The following SH3GLB1 variants were observed in gnomAD, a reference collection of about 807,000 sequenced individuals.
SH3GLB1 encodes the protein SH3 domain containing GRB2 like, endophilin B1.
In SH3GLB1, 17 loss-of-function variants were observed where a neutral mutation model predicts 42.0. That is an observed-to-expected ratio of 0.40 (90% CI 0.28 to 0.61). The LOEUF (loss-of-function observed/expected upper bound fraction) is 0.61, where lower values mean the gene tolerates loss of function less well. SH3GLB1 is among the 20% of genes least tolerant of loss of function. The pLI is 0.36. For missense variants in SH3GLB1, 355 were observed against 426.3 expected (o/e 0.83, Z 1.47); for synonymous variants, 132 against 146.6 (o/e 0.90, Z 0.72).
chr1:86,720,120 T>C (rs1015617931), intron 3 of SH3GLB1, among the ~76,000 whole-genome samples: 3 of 152,144 alleles, frequency 2.0e-5, no homozygotes, highest in African/African-American at 7.2e-5. Flanking sequence ...ATTTAATATA[T>C]TCAAGCATAT....
At chr1:86,724,507 T>C in intron 5 of SH3GLB1, 102 bp downstream of exon 5, 1 of 901,892 alleles carries the variant, frequency 1.1e-6, no homozygotes, top group Non-Finnish European at 1.7e-6. Context: ...TAGAGTCTTG[T>C]TTTTGTGCTT....
intron 2 of SH3GLB1, among the ~76,000 whole-genome samples, chr1:86,717,624 G>C (rs991217402): frequency 1.3e-5 from 2 of 152,060 alleles, no homozygotes; most frequent in Non-Finnish European, 2.9e-5. Flanking sequence ...GTTTCTCCAT[G>C]TTGGCCAGGC....
Position 86,743,366 on chromosome 1 carries a change from C to G in SH3GLB1, c.*131C>G. The G allele has an allele frequency of 2.1e-6, 1 of 465,822 alleles. No individual in the cohort carries two copies. Among genetic ancestry groups the G allele is most frequent in the Non-Finnish European group, 3.7e-6 (1 of 269,624 alleles). The allele number at this position is 465,822 out of a possible 1,614,324, so 28.9% of individuals were successfully genotyped here. A position where few individuals can be genotyped will look rare whatever the true frequency, so the allele number is the denominator to read the frequency against. Reference sequence around the variant, plus strand: ...GAAAATACCAGCCATCAGAAACTGGCCTTTCTGCCAATAAAGTTGCATGGT... The same window carrying G: ...GAAAATACCAGCCATCAGAAACTGGGCTTTCTGCCAATAAAGTTGCATGGT... On this transcript the variant is annotated 3_prime_UTR_variant, in exon 9 of 9. Transcript: ENST00000370558.
intron 7 of SH3GLB1, chr1:86,738,793 C>T (rs183106535): frequency 6.6e-6 from 1 of 152,318 alleles, no homozygotes; most frequent in Admixed American, 6.5e-5. Flanking sequence ...CAGGTGTGCG[C>T]CACCATGCCC....
At chr1:86,734,910 CAG>C (rs1259504172) in intron 6 of SH3GLB1, among the ~76,000 whole-genome samples, 167 bp from the exon 7 acceptor site, 2 of 152,258 alleles carry the variant, frequency 1.3e-5, no homozygotes, top group African/African-American at 4.8e-5. Context: ...ATTGGCTAAG[CAG>C]AGTTTGCTAG....
intron 5 of SH3GLB1, among the ~76,000 whole-genome samples, chr1:86,727,377 A>G (rs1045686050): frequency 2.6e-5 from 4 of 152,042 alleles, no homozygotes; most frequent in Non-Finnish European, 5.9e-5. Flanking sequence ...TAGATTGTGT[A>G]TATGATAAAA....
In SH3GLB1 at chr1:86,748,052, G is replaced by A. The variant is rs538072349; in HGVS notation, c.*4817G>A. ...TTTTTCACTCAACAATACCATGACT[G>A]TCTTGCTGTGTCAAGTATATTTCTA... On this transcript the variant is annotated 3_prime_UTR_variant, in exon 9 of 9. Transcript: ENST00000370558. The A allele has an allele frequency of 6.6e-6, 1 of 152,184 alleles. No individual in the cohort carries two copies. The highest frequency in any genetic ancestry group is 1.9e-4 in the East Asian group (1 of 5,182). 9.4% of individuals were successfully genotyped at this position (152,184 alleles called of 1,614,324 possible).
intron 5 of SH3GLB1, among the ~76,000 whole-genome samples, chr1:86,724,999 T>TAC (rs374835487): frequency 2.7e-5 from 4 of 146,304 alleles, no homozygotes; most frequent in South Asian, 2.1e-4. Flanking sequence ...TGTGTGTATA[T>TAC]ACACACACAC....
chr1:86,707,978 A>AT (rs1262321944), intron 1 of SH3GLB1, among the ~76,000 whole-genome samples: 1 of 152,162 alleles, frequency 6.6e-6, no homozygotes, highest in African/African-American at 2.4e-5. Flanking sequence ...AAAGAAAAAA[A>AT]CAGAAGTCGC....
chr1:86,707,351 A>G (rs898560607), intron 1 of SH3GLB1, among the ~76,000 whole-genome samples: 1 of 152,230 alleles, frequency 6.6e-6, no homozygotes, highest in Non-Finnish European at 1.5e-5. Context: ...AGGGGCATTA[A>G]GGAGACCAAT....
At chr1:86,720,911 A>G (rs572462953) in intron 3 of SH3GLB1, among the ~76,000 whole-genome samples, 2 of 152,344 alleles carry the variant, frequency 1.3e-5, no homozygotes, top group African/African-American at 2.4e-5. Context: ...AGAACTTCAA[A>G]ATAAAATTAT....
Position 86,742,228 on chromosome 1 carries a change from G to T in SH3GLB1, c.782G>T (p.Ser261Ile). 1 of 1,613,896 alleles carries T rather than the reference G, an allele frequency of 6.2e-7. No individual in the cohort carries two copies. Among genetic ancestry groups the T allele is most frequent in the African/African-American group, 1.3e-5 (1 of 74,996 alleles). The change falls in exon 8 of 9, where the codon AGT becomes ATT. Residue 261 changes from serine (S) to isoleucine (I), a missense_variant. Coordinates refer to ENST00000370558, the MANE Select transcript of SH3GLB1 (RefSeq NM_016009.5). Reference sequence around the variant, plus strand: ...AACAGTTTTCCATCCAATTATCTTAGTAACAACAATCAGACTTCTGTGACA... The same window carrying T: ...AACAGTTTTCCATCCAATTATCTTATTAACAACAATCAGACTTCTGTGACA... Reference protein sequence around the residue: ...QLGSFPSNYLSNNNQTSVTPV... With the variant: ...QLGSFPSNYLINNNQTSVTPV...
chr1:86,719,553 T>A lies in SH3GLB1; in HGVS notation c.261T>A (p.Ala87=), dbSNP rs1570419137. ...EFVYEKLDRK[A]PSRINNPELL... The stretch of plus-strand genomic sequence containing the variant: ...TTTATGAGAAACTGGATAGAAAAGC[T>A]CCAAGTCGTATAAACAACCCAGAAC... Residue 87 remains alanine, a synonymous_variant, in exon 3 of 9, where the codon GCT becomes GCA. Transcript: ENST00000370558. 6.2e-7 allele frequency: 1 copy of A among 1,610,834 alleles called. No homozygotes were observed. The highest frequency in any genetic ancestry group is 8.5e-7 in the Non-Finnish European group (1 of 1,178,336).
rs1656277556 is a variant in SH3GLB1 at position 86,745,905 on chromosome 1, A to G, written c.*2670A>G. The G allele has an allele frequency of 6.6e-6, 1 of 152,648 alleles. No individual in the cohort carries two copies. The highest frequency in any genetic ancestry group is 2.4e-5 in the African/African-American group (1 of 41,456). 9.5% of individuals were successfully genotyped at this position (152,648 alleles called of 1,614,324 possible). On this transcript the variant is annotated 3_prime_UTR_variant, in exon 9 of 9. Coordinates refer to ENST00000370558, the MANE Select transcript of SH3GLB1 (RefSeq NM_016009.5). The stretch of plus-strand genomic sequence containing the variant: ...GTATAGTGACATGTGAAGGATGCAC[A>G]TATGAATGAAAAACTAAAATAATTG...
rs1656268891 is a variant in SH3GLB1 at position 86,745,702 on chromosome 1, G to T, written c.*2467G>T. The T allele has an allele frequency of 6.6e-6, 1 of 152,154 alleles. No individual in the cohort carries two copies. The highest frequency in any genetic ancestry group is 1.5e-5 in the Non-Finnish European group (1 of 68,024). 9.4% of individuals were successfully genotyped at this position (152,154 alleles called of 1,614,324 possible). A position where few individuals can be genotyped will look rare whatever the true frequency, so the allele number is the denominator to read the frequency against. Reference sequence around the variant, plus strand: ...GTTTATTGCTTTTTATTTTAATGGGGTTTGGTTGTTTGGGTTTTATTTTGG... The same window carrying T: ...GTTTATTGCTTTTTATTTTAATGGGTTTTGGTTGTTTGGGTTTTATTTTGG... On this transcript the variant is annotated 3_prime_UTR_variant, in exon 9 of 9. Transcript: ENST00000370558.
chr1:86,737,840 A>G (rs955998662), intron 7 of SH3GLB1, among the ~76,000 whole-genome samples: 1 of 152,326 alleles, frequency 6.6e-6, no homozygotes, highest in Middle Eastern at 3.4e-3. Flanking sequence ...ACATGCAGGC[A>G]TCTGAGAGAA....
intron 1 of SH3GLB1, among the ~76,000 whole-genome samples, chr1:86,707,644 A>ATT (rs948807467): frequency 0.056 from 6,528 of 116,372 alleles, 232 homozygotes; most frequent in Non-Finnish European, 0.078. Context: ...TTTACAGGGT[A>ATT]TTTTTTTTTT....
At position 86,704,812 on chromosome 1, in the gene SH3GLB1, G is replaced by C; in HGVS notation, c.-88G>C. 2 of 795,124 alleles carry C rather than the reference G, an allele frequency of 2.5e-6. No individual in the cohort carries two copies. Among genetic ancestry groups the C allele is most frequent in the Non-Finnish European group, 3.9e-6 (2 of 519,386 alleles). The allele number at this position is 795,124 out of a possible 1,614,324, so 49.3% of individuals were successfully genotyped here. A position where few individuals can be genotyped will look rare whatever the true frequency, so the allele number is the denominator to read the frequency against. ...CCCTCCACCTACCACGTCTGCCCTC[G>C]CCGCTCTAGCCCTGCGCCCCAGCCC... is the stretch of plus-strand genomic sequence containing the variant. On this transcript the variant is annotated 5_prime_UTR_variant, in exon 1 of 9. Transcript: ENST00000370558.
chr1:86,742,300 C>G lies in SH3GLB1; in HGVS notation c.854C>G (p.Ala285Gly), dbSNP rs553134523. The change falls in exon 8 of 9, where the codon GCT becomes GGT. Residue 285 changes from alanine (A) to glycine (G), a missense_variant. Physicochemically the swap from Ala to Gly is moderately conservative, Grantham distance 60. Coordinates refer to ENST00000370558, the MANE Select transcript of SH3GLB1 (RefSeq NM_016009.5). Reference protein sequence around the residue: ...LPNAIGSSAMASTSGLVITSP... With the variant: ...LPNAIGSSAMGSTSGLVITSP... ...AATGCGATTGGTTCTTCTGCCATGGCTTCAACAAGTGGCCTAGTAATCACC... is the reference window on the plus strand; with the variant it reads ...AATGCGATTGGTTCTTCTGCCATGGGTTCAACAAGTGGCCTAGTAATCACC... 1 of 1,614,024 alleles carries G rather than the reference C, an allele frequency of 6.2e-7. No individual in the cohort carries two copies. The highest frequency in any genetic ancestry group is 8.5e-7 in the Non-Finnish European group (1 of 1,180,020).
Sources: gnomAD v4.1 joint callset for allele counts (sites outside exome capture counted in the v4.1 genomes callset) on GRCh38, gnomAD v4.1.1 for gene constraint, MANE v1.5 for transcripts, NCBI Gene and HGNC (gene_info 2026-07-23, HGNC 2026-07-21) for gene names.